Variants in FANCA observed in about 807,000 individuals in gnomAD.
FANCA encodes the protein Fanconi anemia group A protein.
A neutral mutation model predicts 194.3 loss-of-function variants in FANCA; 236 were observed. The observed-to-expected ratio is 1.21, with a 90% CI of 1.09 to 1.35. FANCA has a LOEUF of 1.35. Among genes scored for constraint, FANCA ranks in the 40% most tolerant of loss-of-function variants. The pLI, the probability that FANCA is intolerant of heterozygous loss-of-function variation, is 0.00. For missense variants in FANCA, 2,628 were observed against 1,813.9 expected, an observed-to-expected ratio of 1.45 and a Z score of -8.15; for synonymous variants, 1,014 against 715.8, an observed-to-expected ratio of 1.42 and a Z score of -6.65.
At chr16:89,801,032 C>CAAA (rs59752200) in intron 8 of FANCA, among the ~76,000 whole-genome samples, 5 of 73,052 alleles carry the variant, frequency 6.8e-5, no homozygotes, top group Admixed American at 3.4e-4. Flanking sequence ...GACTCCATCT[C>CAAA]AAAAAAAAAA....
At chr16:89,746,802 C>G (rs1014782594) in intron 34 of FANCA, 29 bp downstream of exon 34, 1 of 1,574,354 alleles carries the variant, frequency 6.4e-7, no homozygotes, top group Admixed American at 1.9e-5. Context: ...TCTGAGAAGG[C>G]CACGAGAGGG....
chr16:89,738,888 C>T lies in FANCA; in HGVS notation c.4254G>A (p.Val1418=). 1 of 1,614,230 alleles carries T rather than the reference C, an allele frequency of 6.2e-7. No individual in the cohort carries two copies. The highest frequency in any genetic ancestry group is 1.7e-5 in the Admixed American group (1 of 60,030). The change falls in exon 42 of 43, where the codon GTG becomes GTA. Residue 1418 remains valine (V), a synonymous_variant. Transcript: ENST00000389301. ...GTGGGCATCTTGACGTTACCTCTGCCACGTGTGAGAAGCTCTTTTTCGGGC... is the reference window on the plus strand; with the variant it reads ...GTGGGCATCTTGACGTTACCTCTGCTACGTGTGAGAAGCTCTTTTTCGGGC... The part of the protein sequence containing the change: ...PRCPKKSFSH[V]AELLADRGDC...
chr16:89,797,309 C>A (rs556750338), intron 10 of FANCA, among the ~76,000 whole-genome samples: 3 of 152,062 alleles, frequency 2.0e-5, no homozygotes, highest in East Asian at 1.9e-4. Flanking sequence ...CCAGCCTGGG[C>A]GACACAGTGA....
intron 23 of FANCA, among the ~76,000 whole-genome samples, chr16:89,770,931 C>T (rs998439187): frequency 6.6e-6 from 1 of 152,114 alleles, no homozygotes; most frequent in Non-Finnish European, 1.5e-5. Context: ...GGGCCAGAAA[C>T]AGCCTCTGTC....
chr16:89,760,696 T>C (rs2038922988), intron 29 of FANCA, among the ~76,000 whole-genome samples: 1 of 152,144 alleles, frequency 6.6e-6, no homozygotes. Context: ...CTGGGACTCA[T>C]GGGGGTTCAC....
At position 89,748,746 on chromosome 16, in the gene FANCA, C is replaced by G; in HGVS notation, c.3261G>C (p.Ser1087=). Reference sequence around the variant, plus strand: ...GGAAGCTGCTGCCGCAGAGGACAGACGAAGGCAGGCGGAGGAGGATCCTGG... The same window carrying G: ...GGAAGCTGCTGCCGCAGAGGACAGAGGAAGGCAGGCGGAGGAGGATCCTGG... ...MYKRILLRLP[S]SVLCGSSFQA... Residue 1087 remains serine (S), a synonymous_variant, in exon 33 of 43, where the codon TCG becomes TCC. Coordinates refer to ENST00000389301, the MANE Select transcript of FANCA (RefSeq NM_000135.4). 1 of 1,613,962 alleles carries G rather than the reference C, an allele frequency of 6.2e-7. No homozygotes were observed. The highest frequency in any genetic ancestry group is 8.5e-7 in the Non-Finnish European group (1 of 1,179,986).
chr16:89,762,597 A>G (rs2038989941), intron 28 of FANCA: 1 of 223,838 alleles, frequency 4.5e-6, no homozygotes. Flanking sequence ...AAAAGAAACT[A>G]ACAAAACAAC....
intron 14 of FANCA, among the ~76,000 whole-genome samples, chr16:89,788,552 C>T (rs769254854): frequency 4.3e-4 from 65 of 152,214 alleles, no homozygotes; most frequent in Non-Finnish European, 7.9e-4. Context: ...AATTCCAGTA[C>T]TTCGGGGGTT....
chr16:89,787,535 C>T (rs908378094), intron 14 of FANCA, among the ~76,000 whole-genome samples: 2 of 151,846 alleles, frequency 1.3e-5, no homozygotes, highest in South Asian at 2.1e-4. Flanking sequence ...AACAAAAAGA[C>T]CAGCCAGGGC....
chr16:89,772,515 T>C (rs1348582845), intron 22 of FANCA, among the ~76,000 whole-genome samples: 1 of 137,366 alleles, frequency 7.3e-6, no homozygotes, highest in African/African-American at 2.8e-5. Flanking sequence ...CAAAAAAATA[T>C]ATATATATCA....
intron 3 of FANCA, among the ~76,000 whole-genome samples, chr16:89,813,806 C>CTGTGTGTGTGTGTGTGTGTGTGTG (rs71137678): frequency 6.7e-6 from 1 of 149,432 alleles, no homozygotes; most frequent in Admixed American, 6.7e-5. Context: ...AAGTCTTTTA[C>CTGTGTGTGTGTGTGTGTGTGTGTG]TGTGTGTGTG....
chr16:89,793,347 G>C (rs937364426), intron 11 of FANCA, among the ~76,000 whole-genome samples: 1 of 152,102 alleles, frequency 6.6e-6, no homozygotes, highest in African/African-American at 2.4e-5. Context: ...TTGTCTTATG[G>C]TCACTTCTCA....
intron 17 of FANCA, among the ~76,000 whole-genome samples, chr16:89,780,242 G>A (rs2039654425): frequency 6.6e-6 from 1 of 152,098 alleles, no homozygotes; most frequent in African/African-American, 2.4e-5. Context: ...AGAGCCTGCC[G>A]TGAGCCTCTT....
chr16:89,739,925 T>G, intron 39 of FANCA, 69 bp downstream of exon 39: 1 of 1,604,570 alleles, frequency 6.2e-7, no homozygotes, highest in Non-Finnish European at 8.5e-7. Context: ...GGCTCGTTCT[T>G]AACCATTTGC....
chr16:89,765,546 C>T (rs939193301), intron 27 of FANCA, among the ~76,000 whole-genome samples: 1 of 152,240 alleles, frequency 6.6e-6, no homozygotes, highest in Non-Finnish European at 1.5e-5. Context: ...AAAACTGCCT[C>T]CCAGGGGTAG....
intron 27 of FANCA, 111 bp from the exon 28 acceptor site, chr16:89,765,177 A>G: frequency 1.6e-6 from 2 of 1,261,822 alleles, no homozygotes; most frequent in South Asian, 2.5e-5. Context: ...ACACAACCCC[A>G]CATTCAGAGG....
At chr16:89,764,516 G>C (rs1306565864) in intron 28 of FANCA, among the ~76,000 whole-genome samples, 5 of 152,070 alleles carry the variant, frequency 3.3e-5, no homozygotes, top group Admixed American at 3.3e-4. Context: ...ATGTTGCCCG[G>C]GCTGGTCTTG....
chr16:89,744,984 G>T lies in FANCA; in HGVS notation c.3601C>A (p.Gln1201Lys). 6.2e-7 allele frequency: 1 copy of T among 1,611,836 alleles called. No homozygotes were observed. Among genetic ancestry groups the T allele is most frequent in the Non-Finnish European group, 8.5e-7 (1 of 1,179,874 alleles). Residue 1201 changes from glutamine (Q) to lysine (K), a missense_variant, in exon 36 of 43, where the codon CAA becomes AAA. By Grantham distance (53) the Gln-to-Lys change is moderately conservative. Coordinates refer to ENST00000389301, the MANE Select transcript of FANCA (RefSeq NM_000135.4). ...SPLPRELQKL[Q>K]EGRQFASDFL... ...TCGCTGGCAAACTGCCGGCCTTCTTGTAGCTTCTGCAGTTCCCGGGGCAGC... is the reference window on the plus strand; with the variant it reads ...TCGCTGGCAAACTGCCGGCCTTCTTTTAGCTTCTGCAGTTCCCGGGGCAGC...
At chr16:89,799,716 ATTAC>A (rs1265952986) in intron 8 of FANCA, 78 bp from the exon 9 acceptor site, 3 of 1,233,030 alleles carry the variant, frequency 2.4e-6, no homozygotes, top group African/African-American at 3.0e-5. Context: ...CAAGAGAATT[ATTAC>A]TTGTTACTCT....
Sources: gnomAD v4.1 joint callset for allele counts (sites outside exome capture counted in the v4.1 genomes callset) on GRCh38, gnomAD v4.1.1 for gene constraint, MANE v1.5 for transcripts, NCBI Gene and HGNC (gene_info 2026-07-23, HGNC 2026-07-21) for gene names.